PARD3B: variants seen among roughly 807,000 people sequenced by gnomAD.
PARD3B encodes the protein partitioning defective 3 homolog B.
In PARD3B, 103 loss-of-function variants were observed where a neutral mutation model predicts 130.2. That is an observed-to-expected ratio of 0.79 (90% CI 0.67 to 0.93). The LOEUF (loss-of-function observed/expected upper bound fraction) is 0.93. Among genes scored for constraint, PARD3B ranks in the 40% least tolerant of loss-of-function variants. PARD3B has a pLI of 0.00. For synonymous variants in PARD3B, 583 were observed against 553.2 expected, an observed-to-expected ratio of 1.05 and a Z score of -0.76; for missense variants, 1,609 against 1,499.2, an observed-to-expected ratio of 1.07 and a Z score of -1.21.
chr2:204,617,102 C>T (rs2034139159), intron 1 of PARD3B, among the ~76,000 whole-genome samples: 1 of 152,176 alleles, frequency 6.6e-6, no homozygotes, highest in African/African-American at 2.4e-5. Context: ...CATCTCCCTT[C>T]CCAGGGTTCC....
intron 2 of PARD3B, among the ~76,000 whole-genome samples, chr2:204,696,723 T>C (rs932545147): frequency 1.3e-5 from 2 of 152,152 alleles, no homozygotes; most frequent in Admixed American, 1.3e-4. Flanking sequence ...TTCCCTGTCA[T>C]GTGAATATGG....
intron 2 of PARD3B, among the ~76,000 whole-genome samples, chr2:204,955,751 C>A (rs1025992106): frequency 3.9e-5 from 6 of 151,968 alleles, no homozygotes; most frequent in Non-Finnish European, 7.4e-5. Flanking sequence ...ATAGTAAGGG[C>A]TATATAAGTA....
chr2:205,265,637 C>CA lies in PARD3B; in HGVS notation c.2185+19820dup, dbSNP rs554078478. On this transcript the variant is annotated intron_variant, in intron 16 of 22. Transcript: ENST00000406610. The surrounding 1 kb of genome is among the most constrained non-coding windows in gnomAD (Gnocchi z 4.3). ...ATGTCACTTTTCATTGTTTTATTCA[C>CA]AAAAAGGAAAAACAATATTTTATAG... Among the ~76,000 whole-genome samples, 243 of 151,508 alleles carry CA rather than the reference C, an allele frequency of 1.6e-3. 1 individual carries two copies. Among genetic ancestry groups the CA allele is most frequent in the Non-Finnish European group, 2.8e-3 (188 of 67,778 alleles).
intron 20 of PARD3B, among the ~76,000 whole-genome samples, chr2:205,469,520 C>G (rs984229368): frequency 2.0e-5 from 3 of 152,158 alleles, no homozygotes; most frequent in African/African-American, 7.2e-5. Flanking sequence ...CAGCAGGTGA[C>G]TTTTTCACCC....
At chr2:205,342,246 A>G (rs909151233) in intron 18 of PARD3B, among the ~76,000 whole-genome samples, 3 of 152,190 alleles carry the variant, frequency 2.0e-5, no homozygotes, top group Admixed American at 6.5e-5. Flanking sequence ...GTAAGTGAAC[A>G]AAACAGATTA....
chr2:204,673,501 C>T lies in PARD3B; in HGVS notation c.121-12680C>T, dbSNP rs1460680250. Among the ~76,000 whole-genome samples, 4 of 152,146 alleles carry T rather than the reference C, an allele frequency of 2.6e-5. No individual in the cohort carries two copies. Among genetic ancestry groups the T allele is most frequent in the Non-Finnish European group, 4.4e-5 (3 of 68,036 alleles). ...TTTTCCCACTCTCATATAAGGGTTGCTTTTCTGAGCTTTGACTTATTTTAC... is the reference window on the plus strand; with the variant it reads ...TTTTCCCACTCTCATATAAGGGTTGTTTTTCTGAGCTTTGACTTATTTTAC... On this transcript the variant is annotated intron_variant, in intron 1 of 22. Transcript: ENST00000406610. The surrounding 1 kb of genome is among the most constrained non-coding windows in gnomAD (Gnocchi z 4.7).
At chr2:205,559,816 C>T (rs184460597) in intron 22 of PARD3B, among the ~76,000 whole-genome samples, 10 of 152,198 alleles carry the variant, frequency 6.6e-5, no homozygotes, top group Non-Finnish European at 1.3e-4. Context: ...CCAGGGTGGT[C>T]TTGAACTTCT....
In PARD3B at chr2:204,941,446, C is replaced by T. The variant is rs576219139; in HGVS notation, c.223-23706C>T. Among the ~76,000 whole-genome samples the T allele has an allele frequency of 3.3e-5, 5 of 152,336 alleles. No individual in the cohort carries two copies. In the South Asian group the frequency reaches 1.0e-3, roughly 32 times the overall value. On this transcript the variant is annotated intron_variant, in intron 2 of 22. Coordinates refer to ENST00000406610, the MANE Select transcript of PARD3B (RefSeq NM_001302769.2). ...CCTGATAACATAATTAACAACCTGG[C>T]TATGAGTGGCATAAAAAAGTTAATT... is the stretch of plus-strand genomic sequence containing the variant.
chr2:205,184,855 T>A (rs1049005441), intron 13 of PARD3B, among the ~76,000 whole-genome samples: 1 of 152,258 alleles, frequency 6.6e-6, no homozygotes, highest in South Asian at 2.1e-4. Flanking sequence ...ACTTGATGGC[T>A]TTAAAAACTG....
rs138530666 is a variant in PARD3B at position 204,678,123 on chromosome 2, T to G, written c.121-8058T>G. Among the ~76,000 whole-genome samples, 148 of 152,282 alleles carry G rather than the reference T, an allele frequency of 9.7e-4. No individual in the cohort carries two copies. The highest frequency in any genetic ancestry group is 3.1e-3 in the African/African-American group (130 of 41,550). On this transcript the variant is annotated intron_variant, in intron 1 of 22. Coordinates refer to ENST00000406610, the MANE Select transcript of PARD3B (RefSeq NM_001302769.2). The surrounding 1 kb of genome is among the most constrained non-coding windows in gnomAD (Gnocchi z 4.2). The stretch of plus-strand genomic sequence containing the variant: ...AGAGTCCCTGACTCCCTCGCAGGAC[T>G]TGCGATGAGGGGTGGCTCCTTTGCA...
At chr2:204,996,216 C>G (rs1186036923) in intron 3 of PARD3B, among the ~76,000 whole-genome samples, 2 of 136,764 alleles carry the variant, frequency 1.5e-5, no homozygotes, top group Non-Finnish European at 3.1e-5. Flanking sequence ...GTGGTTTTAT[C>G]TACTTTTGGT....
intron 2 of PARD3B, among the ~76,000 whole-genome samples, chr2:204,771,243 A>C (rs956914885): frequency 7.9e-5 from 12 of 151,532 alleles, no homozygotes; most frequent in Non-Finnish European, 1.3e-4. Flanking sequence ...TGAGTTCCTC[A>C]GTTGGAGTGT....
chr2:204,634,436 A>G (rs2034800073), intron 1 of PARD3B, among the ~76,000 whole-genome samples: 1 of 152,216 alleles, frequency 6.6e-6, no homozygotes, highest in African/African-American at 2.4e-5. Flanking sequence ...TATTGTAAAC[A>G]TCATTTTTAA....
At chr2:205,022,329 A>T (rs1696678909) in intron 3 of PARD3B, among the ~76,000 whole-genome samples, 1 of 152,214 alleles carries the variant, frequency 6.6e-6, no homozygotes, top group Non-Finnish European at 1.5e-5. Context: ...ACTGAATTGG[A>T]AATGCTTCCA....
At chr2:205,334,333 G>GAAT (rs1416273992) in intron 18 of PARD3B, among the ~76,000 whole-genome samples, 1 of 152,098 alleles carries the variant, frequency 6.6e-6, no homozygotes. Context: ...ATTTTCTTAA[G>GAAT]AATAAATAAT....
intron 15 of PARD3B, among the ~76,000 whole-genome samples, chr2:205,221,907 T>C (rs1432485114): frequency 6.6e-6 from 1 of 152,068 alleles, no homozygotes; most frequent in African/African-American, 2.4e-5. Flanking sequence ...AAAAACATTA[T>C]ATGCTGGACA....
rs573657195 is a variant in PARD3B at position 204,906,245 on chromosome 2, G to T, written c.223-58907G>T. ...AAGTAAAATGAACCCAGCTCTCTCT[G>T]TATGAGATTCTGGAGTAGGTGTCTC... On this transcript the variant is annotated intron_variant, in intron 2 of 22. Coordinates refer to ENST00000406610, the MANE Select transcript of PARD3B (RefSeq NM_001302769.2). The surrounding 1 kb of genome is among the most constrained non-coding windows in gnomAD (Gnocchi z 4.3). 6.6e-6 allele frequency among the ~76,000 whole-genome samples: 1 copy of T among 152,144 alleles called. No homozygotes were observed. The highest frequency in any genetic ancestry group is 1.5e-5 in the Non-Finnish European group (1 of 68,000).
At chr2:205,499,329 A>C (rs554216533) in intron 20 of PARD3B, among the ~76,000 whole-genome samples, 43 of 151,924 alleles carry the variant, frequency 2.8e-4, no homozygotes, top group Middle Eastern at 3.4e-3. Context: ...AAAAAAAAAA[A>C]AACTTTCTTA....
At position 205,612,540 on chromosome 2, in the gene PARD3B, A is replaced by G. The variant is rs551406715; in HGVS notation, c.3261-2916A>G. ...AAGTCTGTAGGAAATTCTGTTATGA[A>G]CAAAATGTTGTTATAAACAACAGCT... On this transcript the variant is annotated intron_variant, in intron 22 of 22. Transcript: ENST00000406610. Among the ~76,000 whole-genome samples the G allele has an allele frequency of 1.5e-4, 23 of 152,328 alleles. No homozygotes were observed. The South Asian group carries it at 4.3e-3, about 29-fold the overall frequency.
Sources: allele counts gnomAD v4.1 joint callset (sites outside exome capture counted in the v4.1 genomes callset), GRCh38; gene constraint gnomAD v4.1.1; non-coding constraint Gnocchi (gnomAD v3.1); transcripts MANE v1.5; gene names NCBI Gene and HGNC (gene_info 2026-07-23, HGNC 2026-07-21).